Variants in S100A3 observed in about 807,000 individuals in gnomAD.
S100A3 encodes protein S100-A3.
A neutral mutation model predicts 8.0 loss-of-function variants in S100A3; 11 were observed. That is an observed-to-expected ratio of 1.37 (90% CI 0.86 to 2.27). S100A3 has a LOEUF of 2.27. S100A3 is among the 30% of genes most tolerant of loss of function. The pLI is 0.00. For missense variants in S100A3, 124 were observed against 127.1 expected, an observed-to-expected ratio of 0.98 and a Z score of 0.12; for synonymous variants, 43 against 49.6, an observed-to-expected ratio of 0.87 and a Z score of 0.56.
At position 153,547,648 on chromosome 1, in the gene S100A3, C is replaced by T. The variant is rs1356995885; in HGVS notation, c.*34G>A. On this transcript the variant is annotated 3_prime_UTR_variant, in exon 3 of 3. Coordinates refer to ENST00000368713, the MANE Select transcript of S100A3 (RefSeq NM_002960.2). The surrounding 1 kb of genome is among the most constrained non-coding windows in gnomAD (Gnocchi z 4.0). ...GAGGGGGTGTGGGAGACATGCCCAG[C>T]CCCCGACAGCCAGCGCACCCCCTGG... 1 of 1,605,646 alleles carries T rather than the reference C, an allele frequency of 6.2e-7. No homozygotes were observed. The highest frequency in any genetic ancestry group is 1.3e-5 in the African/African-American group (1 of 74,898).
rs751051544 is a variant in S100A3 at position 153,547,725 on chromosome 1, T to C, written c.263A>G (p.Glu88Gly). 7.4e-6 allele frequency: 12 copies of C among 1,613,902 alleles called. No homozygotes were observed. In the Admixed American group the frequency reaches 1.2e-4, roughly 16 times the overall value. Residue 88 changes from glutamate to glycine, a missense_variant, in exon 3 of 3, where the codon GAG (glutamate) becomes GGG (glycine). Transcript: ENST00000368713. The surrounding 1 kb of genome is among the most constrained non-coding windows in gnomAD (Gnocchi z 4.0). ...SLACLCLYCH[E>G]YFKDCPSEPP... ...CTCTGAGGGGCAGTCCTTGAAGTAC[T>C]CGTGGCAGTAGAGACAGAGGCAGGC...
intron 1 of S100A3, among the ~76,000 whole-genome samples, chr1:153,548,873 A>G (rs1032457853): frequency 2.0e-5 from 3 of 152,150 alleles, no homozygotes; most frequent in Admixed American, 2.0e-4. Flanking sequence ...GCCCCAGCCC[A>G]TGAGATGCCC....
Position 153,548,391 on chromosome 1 carries a change from G to A in S100A3, c.95C>T (p.Ala32Val), listed in dbSNP as rs770094114. ...CTTCTGCAGCAGCTCCTTGAGCTCC[G>A]CCTGGCAGAGCTTGTATTTGTCCCC... ...RCGDKYKLCQ[A>V]ELKELLQKEL... Residue 32 changes from alanine to valine, a missense_variant, in exon 2 of 3, where the codon GCG becomes GTG. Transcript: ENST00000368713. 37 of 1,613,640 alleles carry A rather than the reference G, an allele frequency of 2.3e-5. No homozygotes were observed. The highest frequency in any genetic ancestry group is 5.5e-5 in the South Asian group (5 of 91,006).
Position 153,547,699 on chromosome 1 carries a change from G to A in S100A3, c.289C>T (p.Pro97Ser), listed in dbSNP as rs571596892. 1.3e-4 allele frequency: 208 copies of A among 1,613,762 alleles called. 1 individual carries two copies. Among genetic ancestry groups the A allele is most frequent in the Middle Eastern group, 3.3e-4 (2 of 6,070 alleles). ...AGCAGAGGCTACTGGGAGCAGGGGGGCTCTGAGGGGCAGTCCTTGAAGTAC... is the reference window on the plus strand; with the variant it reads ...AGCAGAGGCTACTGGGAGCAGGGGGACTCTGAGGGGCAGTCCTTGAAGTAC... ...HEYFKDCPSE[P>S]PCSQ The change falls in exon 3 of 3, where the codon CCC (proline) becomes TCC (serine). Residue 97 changes from proline to serine, a missense_variant. Transcript: ENST00000368713. The surrounding 1 kb of genome is among the most constrained non-coding windows in gnomAD (Gnocchi z 4.0).
chr1:153,547,646 A>G lies in S100A3; in HGVS notation c.*36T>C. 6.2e-7 allele frequency: 1 copy of G among 1,606,080 alleles called. No homozygotes were observed. The highest frequency in any genetic ancestry group is 8.5e-7 in the Non-Finnish European group (1 of 1,175,114). ...AGGAGGGGGTGTGGGAGACATGCCC[A>G]GCCCCCGACAGCCAGCGCACCCCCT... On this transcript the variant is annotated 3_prime_UTR_variant, in exon 3 of 3. Transcript: ENST00000368713. The surrounding 1 kb of genome is among the most constrained non-coding windows in gnomAD (Gnocchi z 4.0).
intron 2 of S100A3, 68 bp downstream of exon 2, chr1:153,548,275 GTC>G (rs1665631803): frequency 3.8e-6 from 6 of 1,590,386 alleles, no homozygotes; most frequent in Admixed American, 3.4e-5. Context: ...TTGTCCCCAG[GTC>G]TCTCTTTGCA....
chr1:153,547,935 A>G lies in S100A3; in HGVS notation c.142-89T>C. On this transcript the variant is annotated intron_variant, in intron 2 of 2. Transcript: ENST00000368713. This position sits in a 1 kb window ranked among gnomAD's most constrained non-coding sequence, Gnocchi z 4.0. The stretch of plus-strand genomic sequence containing the variant: ...CGCCACCTCCCTCCTTCCTCTCCCA[A>G]GTGGACCCACCCCACCCCAAACTAC... 1 of 1,418,624 alleles carries G rather than the reference A, an allele frequency of 7.0e-7. No homozygotes were observed. Among genetic ancestry groups the G allele is most frequent in the Non-Finnish European group, 9.7e-7 (1 of 1,026,572 alleles). 87.9% of individuals were successfully genotyped at this position (1,418,624 alleles called of 1,614,324 possible). A position where few individuals can be genotyped will look rare whatever the true frequency, so the allele number is the denominator to read the frequency against.
At position 153,547,338 on chromosome 1, in the gene S100A3, A is replaced by G. The variant is rs1665594221; in HGVS notation, c.*344T>C. ...AACCAAACAAAACCAAGCTGATGCCAGTTTTTTATTAGGAGTTAAATAGGC... is the reference window on the plus strand; with the variant it reads ...AACCAAACAAAACCAAGCTGATGCCGGTTTTTTATTAGGAGTTAAATAGGC... On this transcript the variant is annotated 3_prime_UTR_variant, in exon 3 of 3. Coordinates refer to ENST00000368713, the MANE Select transcript of S100A3 (RefSeq NM_002960.2). The surrounding 1 kb of genome is among the most constrained non-coding windows in gnomAD (Gnocchi z 4.0). 1 of 210,706 alleles carries G rather than the reference A, an allele frequency of 4.7e-6. No homozygotes were observed. The highest frequency in any genetic ancestry group is 2.3e-5 in the African/African-American group (1 of 43,588). 13.1% of individuals were successfully genotyped at this position (210,706 alleles called of 1,614,324 possible). A position where few individuals can be genotyped will look rare whatever the true frequency, so the allele number is the denominator to read the frequency against.
chr1:153,548,357 G>A lies in S100A3; in HGVS notation c.129C>T (p.Ala43=). 6.2e-7 allele frequency: 1 copy of A among 1,613,720 alleles called. No individual in the cohort carries two copies. The highest frequency in any genetic ancestry group is 8.5e-7 in the Non-Finnish European group (1 of 1,179,976). ...TCTGACTGCTCACCGGGGTCCAGGT[G>A]GCCAGCTCCTTCTGCAGCAGCTCCT... The part of the protein sequence containing the change: ...ELKELLQKEL[A]TWTPTEFREC... The change falls in exon 2 of 3, where the codon GCC becomes GCT. Residue 43 remains alanine, a synonymous_variant. Coordinates refer to ENST00000368713, the MANE Select transcript of S100A3 (RefSeq NM_002960.2).
Position 153,547,645 on chromosome 1 carries a change from C to T in S100A3, c.*37G>A, listed in dbSNP as rs368763170. ...TAGGAGGGGGTGTGGGAGACATGCC[C>T]AGCCCCCGACAGCCAGCGCACCCCC... On this transcript the variant is annotated 3_prime_UTR_variant, in exon 3 of 3. Coordinates refer to ENST00000368713, the MANE Select transcript of S100A3 (RefSeq NM_002960.2). The surrounding 1 kb of genome is among the most constrained non-coding windows in gnomAD (Gnocchi z 4.0). 4 of 1,605,178 alleles carry T rather than the reference C, an allele frequency of 2.5e-6. No homozygotes were observed. The highest frequency in any genetic ancestry group is 2.6e-6 in the Non-Finnish European group (3 of 1,174,630).
In S100A3 at chr1:153,548,429, G is replaced by T; in HGVS notation, c.57C>A (p.Tyr19Ter). ...TGTATTTGTCCCCACAGCGCCCTGC[G>T]TATTCCTGGAAGGTGCACACGATGG... ...VAAIVCTFQE[Y>*]AGRCGDKYKL... Residue 19 changes from tyrosine (Y) to a stop codon, truncating the protein, a stop_gained, in exon 2 of 3, where the codon TAC becomes TAA. Transcript: ENST00000368713. LOFTEE classifies it high-confidence loss of function. 1 of 1,613,186 alleles carries T rather than the reference G, an allele frequency of 6.2e-7. No individual in the cohort carries two copies. The highest frequency in any genetic ancestry group is 8.5e-7 in the Non-Finnish European group (1 of 1,179,568).
Position 153,547,724 on chromosome 1 carries a change from CTCGTGGCAG to C in S100A3, c.255_263del (p.Tyr85_Glu88delinsTer). On this transcript the variant is annotated stop_gained and inframe_deletion, in exon 3 of 3. Coordinates refer to ENST00000368713, the MANE Select transcript of S100A3 (RefSeq NM_002960.2). LOFTEE classifies it high-confidence loss of function. The surrounding 1 kb of genome is among the most constrained non-coding windows in gnomAD (Gnocchi z 4.0). ...GCTCTGAGGGGCAGTCCTTGAAGTA[CTCGTGGCAG>C]TAGAGACAGAGGCAGGCAAGTGAGC... 1 of 1,614,020 alleles carries C rather than the reference CTCGTGGCAG, an allele frequency of 6.2e-7. No individual in the cohort carries two copies.
chr1:153,548,603 A>G, intron 1 of S100A3, 113 bp from the exon 2 acceptor site: 1 of 1,392,282 alleles, frequency 7.2e-7, no homozygotes, highest in Non-Finnish European at 9.6e-7. Context: ...AACCTCCATC[A>G]GGCTTCAGGC....
chr1:153,548,325 C>T lies in S100A3; in HGVS notation c.141+20G>A, dbSNP rs780057637. On this transcript the variant is annotated intron_variant, in intron 2 of 2. Transcript: ENST00000368713. ...TGCCTCCCCCCGGAGGAGGAGGGGA[C>T]GGACACTCTGACTGCTCACCGGGGT... 22 of 1,612,902 alleles carry T rather than the reference C, an allele frequency of 1.4e-5. No individual in the cohort carries two copies. The highest frequency in any genetic ancestry group is 1.6e-4 in the Middle Eastern group (1 of 6,076).
intron 1 of S100A3, 141 bp from the exon 2 acceptor site, chr1:153,548,631 C>A: frequency 9.2e-7 from 1 of 1,085,574 alleles, no homozygotes. Context: ...TCTCCCCCTC[C>A]TCTGAGTAGC....
Position 153,548,413 on chromosome 1 carries a change from C to T in S100A3, c.73G>A (p.Asp25Asn). The T allele has an allele frequency of 1.9e-6, 3 of 1,613,734 alleles. No homozygotes were observed. Among genetic ancestry groups the T allele is most frequent in the Non-Finnish European group, 8.5e-7 (1 of 1,179,886 alleles). ...TCCGCCTGGCAGAGCTTGTATTTGT[C>T]CCCACAGCGCCCTGCGTATTCCTGG... ...TFQEYAGRCG[D>N]KYKLCQAELK... Residue 25 changes from aspartate (D) to asparagine (N), a missense_variant, in exon 2 of 3, where the codon GAC (aspartate) becomes AAC (asparagine). Transcript: ENST00000368713.
At chr1:153,548,612 G>T in intron 1 of S100A3, 122 bp from the exon 2 acceptor site, 1 of 1,320,242 alleles carries the variant, frequency 7.6e-7, no homozygotes, top group Non-Finnish European at 1.0e-6. Context: ...CAGGCTTCAG[G>T]CCCCGCAGTC....
Position 153,547,845 on chromosome 1 carries a change from G to T in S100A3, c.143C>A (p.Thr48Asn). Residue 48 changes from threonine (T) to asparagine (N), a missense_variant and splice_region_variant, in exon 3 of 3, where the codon ACT (threonine) becomes AAT (asparagine). Transcript: ENST00000368713. This position sits in a 1 kb window ranked among gnomAD's most constrained non-coding sequence, Gnocchi z 4.0. ...GTTGTAGTCACATTCCCGAAACTCAGTCTGTGCAAGGGAAGGGTTGGGAGA... is the reference window on the plus strand; with the variant it reads ...GTTGTAGTCACATTCCCGAAACTCATTCTGTGCAAGGGAAGGGTTGGGAGA... ...LQKELATWTP[T>N]EFRECDYNKF... The T allele has an allele frequency of 1.2e-6, 2 of 1,613,528 alleles. No homozygotes were observed. The highest frequency in any genetic ancestry group is 8.5e-7 in the Non-Finnish European group (1 of 1,179,650).
chr1:153,547,969 G>T lies in S100A3; in HGVS notation c.142-123C>A. 2.0e-6 allele frequency: 2 copies of T among 1,016,518 alleles called. No homozygotes were observed. The highest frequency in any genetic ancestry group is 2.9e-6 in the Non-Finnish European group (2 of 683,964). The allele number at this position is 1,016,518 out of a possible 1,614,324, so 63.0% of individuals were successfully genotyped here. Reference sequence around the variant, plus strand: ...ACCCCACCCCAAACTACACCCTTCTGAGGGCCGACTTCAACCTCCCTGCTC... The same window carrying T: ...ACCCCACCCCAAACTACACCCTTCTTAGGGCCGACTTCAACCTCCCTGCTC... On this transcript the variant is annotated intron_variant, in intron 2 of 2. Transcript: ENST00000368713. This position sits in a 1 kb window ranked among gnomAD's most constrained non-coding sequence, Gnocchi z 4.0.
Sources: gnomAD v4.1 joint callset for allele counts (sites outside exome capture counted in the v4.1 genomes callset) on GRCh38, gnomAD v4.1.1 for gene constraint, Gnocchi (gnomAD v3.1) non-coding constraint, MANE v1.5 for transcripts, NCBI Gene and HGNC (gene_info 2026-07-23, HGNC 2026-07-21) for gene names.